Variants in COG5 observed in about 807,000 individuals in gnomAD.
COG5 encodes component of oligomeric golgi complex 5, also known as conserved oligomeric Golgi complex subunit 5.
A neutral mutation model predicts 110.4 loss-of-function variants in COG5; 86 were observed. The ratio of observed to expected loss-of-function variants is 0.78; its 90% CI spans 0.65 to 0.93. The LOEUF is 0.93. Ranked by LOEUF, COG5 falls within the 40% of genes least tolerant of loss-of-function variation. The pLI, the probability that COG5 is intolerant of heterozygous loss-of-function variation, is 0.00. For synonymous variants in COG5, 360 were observed against 334.6 expected (o/e 1.08, Z -0.83); for missense variants, 1,077 against 987.0 (o/e 1.09, Z -1.22).
intron 10 of COG5, among the ~76,000 whole-genome samples, chr7:107,356,010 A>G (rs975739185): frequency 3.3e-5 from 5 of 152,352 alleles, no homozygotes; most frequent in African/African-American, 1.2e-4. Context: ...TGCATAATGC[A>G]TAACATTGTA....
rs1798341163 is a variant in COG5, at chr7:107,201,847, A to AATT, written c.*1668_*1669insAAT. Reference sequence around the variant, plus strand: ...CTTACTGCTTATTAATCTGTATTGTACACATGATGAAATGAAGCAGAAGCT... The same window carrying AATT: ...CTTACTGCTTATTAATCTGTATTGTAATTCACATGATGAAATGAAGCAGAAGCT... On this transcript the variant is annotated 3_prime_UTR_variant, in exon 22 of 22. Coordinates refer to ENST00000297135, the MANE Select transcript of COG5 (RefSeq NM_006348.5). 2 of 155,550 alleles carry AATT rather than the reference A, an allele frequency of 1.3e-5. No individual in the cohort carries two copies. Among genetic ancestry groups the AATT allele is most frequent in the Non-Finnish European group, 2.9e-5 (2 of 70,152 alleles). The allele number at this position is 155,550 out of a possible 1,614,324, so 9.6% of individuals were successfully genotyped here. A position where few individuals can be genotyped will look rare whatever the true frequency, so the allele number is the denominator to read the frequency against.
intron 6 of COG5, among the ~76,000 whole-genome samples, chr7:107,513,899 G>A (rs1341019076): frequency 3.3e-5 from 5 of 151,908 alleles, no homozygotes; most frequent in Non-Finnish European, 7.4e-5. Flanking sequence ...GGACTGTTGT[G>A]GGGTGGGGGA....
chr7:107,318,454 T>C (rs1808959513), intron 11 of COG5, among the ~76,000 whole-genome samples: 2 of 152,240 alleles, frequency 1.3e-5, no homozygotes, highest in South Asian at 4.1e-4. Flanking sequence ...AAAAACTTTT[T>C]AGAGTGATAA....
At chr7:107,419,856 C>T (rs565189168) in intron 6 of COG5, among the ~76,000 whole-genome samples, 2 of 152,318 alleles carry the variant, frequency 1.3e-5, no homozygotes, top group African/African-American at 4.8e-5. Flanking sequence ...GCGTGAGCCA[C>T]TTTGCCTGGC....
At chr7:107,316,392 G>A (rs909941024) in intron 11 of COG5, among the ~76,000 whole-genome samples, 3 of 152,178 alleles carry the variant, frequency 2.0e-5, no homozygotes, top group East Asian at 1.9e-4. Context: ...GAGGCTCAAA[G>A]GGAGGAAATA....
chr7:107,391,576 T>C (rs1274973988), intron 7 of COG5, among the ~76,000 whole-genome samples: 1 of 152,198 alleles, frequency 6.6e-6, no homozygotes, highest in Admixed American at 6.5e-5. Flanking sequence ...GTCATGACAC[T>C]TCCCCCTATG....
At chr7:107,420,204 A>G (rs903256693) in intron 6 of COG5, among the ~76,000 whole-genome samples, 1 of 152,206 alleles carries the variant, frequency 6.6e-6, no homozygotes. Context: ...AAGAAAAATC[A>G]CTAAACTTTT....
chr7:107,281,178 T>C (rs1805135329), intron 14 of COG5, 122 bp downstream of exon 14: 3 of 759,424 alleles, frequency 4.0e-6, no homozygotes, highest in East Asian at 2.8e-5. Context: ...TTACAAACTT[T>C]CACTACAGTA....
At chr7:107,298,468 T>C in intron 11 of COG5, 122 bp from the exon 12 acceptor site, 1 of 638,412 alleles carries the variant, frequency 1.6e-6, no homozygotes, top group Non-Finnish European at 2.7e-6. Context: ...CGTGTTCTAA[T>C]GAGGCCTTTT....
intron 17 of COG5, among the ~76,000 whole-genome samples, chr7:107,244,001 C>T (rs530821213): frequency 5.7e-4 from 86 of 152,194 alleles, no homozygotes; most frequent in African/African-American, 2.0e-3. Context: ...AATCCCAGCA[C>T]TTAGGGAGGC....
intron 6 of COG5, among the ~76,000 whole-genome samples, chr7:107,488,959 T>C (rs2520276): frequency 0.62 from 94,793 of 152,096 alleles, 31,973 homozygotes; most frequent in African/African-American, 0.9. Context: ...ATGAAACCTG[T>C]CATTTTCCAT....
At chr7:107,363,337 C>G (rs1002379273) in intron 8 of COG5, among the ~76,000 whole-genome samples, 1 of 152,052 alleles carries the variant, frequency 6.6e-6, no homozygotes, top group African/African-American at 2.4e-5. Flanking sequence ...TGCCAGTGAG[C>G]AATAAAGTAT....
At chr7:107,302,008 T>C in intron 11 of COG5, among the ~76,000 whole-genome samples, 1 of 152,218 alleles carries the variant, frequency 6.6e-6, no homozygotes, top group East Asian at 1.9e-4. Context: ...ATACCTAACA[T>C]ATTGTTAAAT....
intron 6 of COG5, among the ~76,000 whole-genome samples, chr7:107,462,339 T>C (rs537948800): frequency 1.2e-4 from 19 of 152,272 alleles, no homozygotes; most frequent in South Asian, 6.2e-4. Context: ...TCATGGACTT[T>C]TGCAAAGATC....
At chr7:107,449,988 TC>T (rs770449999) in intron 6 of COG5, 2 of 152,208 alleles carry the variant, frequency 1.3e-5, no homozygotes, top group Non-Finnish European at 2.9e-5. Context: ...GAGAATTTAA[TC>T]CCAGCAAAGG....
In COG5 at chr7:107,203,551, G is replaced by GGTTC. The variant is rs1798517200; in HGVS notation, c.2454_2455insGAAC (p.Gln819GlufsTer16). 3 of 1,613,882 alleles carry GGTTC rather than the reference G, an allele frequency of 1.9e-6. No homozygotes were observed. In the East Asian group the frequency reaches 6.7e-5, roughly 36 times the overall value. Reference sequence around the variant, plus strand: ...GCAGACATAGCCTTTTGAAGCAGCTGAACCATTATGGGATAAACTGGTGCA... The same window carrying GGTTC: ...GCAGACATAGCCTTTTGAAGCAGCTGGTTCAACCATTATGGGATAAACTGGTGCA... On this transcript the variant is annotated frameshift_variant, in exon 22 of 22. Coordinates refer to ENST00000297135, the MANE Select transcript of COG5 (RefSeq NM_006348.5). LOFTEE classifies it high-confidence loss of function.
At chr7:107,425,505 T>TA (rs202168362) in intron 6 of COG5, among the ~76,000 whole-genome samples, 2,094 of 136,866 alleles carry the variant, frequency 0.015, 35 homozygotes, top group East Asian at 0.079. Flanking sequence ...TGAATTTTAC[T>TA]AAAAAAAAAA....
chr7:107,206,188 C>A (rs941754435), intron 21 of COG5, among the ~76,000 whole-genome samples: 1 of 152,122 alleles, frequency 6.6e-6, no homozygotes, highest in African/African-American at 2.4e-5. Context: ...GTCTCGATCT[C>A]TTGACCTCGT....
rs530841344 is a variant in COG5 at position 107,282,310 on chromosome 7, T to C, written c.1476-911A>G. Among the ~76,000 whole-genome samples the C allele has an allele frequency of 3.3e-5, 5 of 152,310 alleles. No individual in the cohort carries two copies. In the South Asian group the frequency reaches 6.2e-4, roughly 19 times the overall value. ...TCCAGTTGTAGATTATATTTGATTA[T>C]AGCATTGTCAAGTTGCACAGAGGAA... On this transcript the variant is annotated intron_variant, in intron 13 of 21. Transcript: ENST00000297135.
Sources: gnomAD v4.1 joint callset for allele counts (sites outside exome capture counted in the v4.1 genomes callset) on GRCh38, gnomAD v4.1.1 for gene constraint, MANE v1.5 for transcripts, NCBI Gene and HGNC (gene_info 2026-07-23, HGNC 2026-07-21) for gene names.